The following CCSER1 variants were observed in gnomAD, a reference collection of about 807,000 sequenced individuals.
CCSER1 encodes the protein serine-rich coiled-coil domain-containing protein 1.
A neutral mutation model predicts 82.0 loss-of-function variants in CCSER1; 41 were observed. That is an observed-to-expected ratio of 0.50 (90% CI 0.39 to 0.65). The LOEUF is 0.65. Ranked by LOEUF, CCSER1 falls within the 30% of genes least tolerant of loss-of-function variation. The probability of loss-of-function intolerance (pLI) is 0.00; values close to 1 mark genes in which losing one functional copy is unlikely to be tolerated. For synonymous variants in CCSER1, 414 were observed against 383.9 expected (o/e 1.08, Z -0.92); for missense variants, 1,119 against 1,064.2 (o/e 1.05, Z -0.72).
At chr4:91,014,515 G>A (rs1311230772) in intron 9 of CCSER1, among the ~76,000 whole-genome samples, 1 of 133,964 alleles carries the variant, frequency 7.5e-6, no homozygotes, top group African/African-American at 2.5e-5. Flanking sequence ...TTCTACTCTG[G>A]AAACATTGTT....
intron 10 of CCSER1, among the ~76,000 whole-genome samples, chr4:91,484,095 A>G (rs1461532576): frequency 6.6e-6 from 1 of 150,730 alleles, no homozygotes; most frequent in Non-Finnish European, 1.5e-5. Context: ...AAAAAATAGT[A>G]TACATGATTC....
At position 91,214,111 on chromosome 4, in the gene CCSER1, A is replaced by G. The variant is rs1327268792; in HGVS notation, c.2217+128117A>G. Among the ~76,000 whole-genome samples, 3 of 152,246 alleles carry G rather than the reference A, an allele frequency of 2.0e-5. No homozygotes were observed. The East Asian group carries it at 5.8e-4, about 29-fold the overall frequency. ...TTTTGCCTCCCTCCTGTCACCAAAA[A>G]GATTGCCAGAGTTATTAAAGAAGAG... On this transcript the variant is annotated intron_variant, in intron 10 of 10. Transcript: ENST00000509176.
chr4:90,649,792 A>G (rs2149036545), intron 6 of CCSER1, among the ~76,000 whole-genome samples: 1 of 152,324 alleles, frequency 6.6e-6, no homozygotes, highest in South Asian at 2.1e-4. Flanking sequence ...ATTTCCAAAG[A>G]AAGTATAATT....
chr4:90,819,185 A>G (rs889276748), intron 8 of CCSER1, among the ~76,000 whole-genome samples: 1 of 152,064 alleles, frequency 6.6e-6, no homozygotes, highest in Admixed American at 6.6e-5. Flanking sequence ...GGAGAAAGAG[A>G]GATCATGTGA....
intron 1 of CCSER1, among the ~76,000 whole-genome samples, chr4:90,301,587 T>C (rs1372445044): frequency 6.6e-6 from 1 of 152,092 alleles, no homozygotes; most frequent in Non-Finnish European, 1.5e-5. Context: ...AAAACACTTC[T>C]CTTATGTAAC....
chr4:90,168,479 A>C (rs907167565), intron 1 of CCSER1, among the ~76,000 whole-genome samples: 9 of 152,116 alleles, frequency 5.9e-5, no homozygotes, highest in African/African-American at 2.2e-4. Context: ...CTTTAGTTTA[A>C]TTAGATCCCA....
chr4:90,728,610 G>A lies in CCSER1; in HGVS notation c.2010+4619G>A, dbSNP rs548223916. Among the ~76,000 whole-genome samples, 52 of 152,202 alleles carry A rather than the reference G, an allele frequency of 3.4e-4. No individual in the cohort carries two copies. The South Asian group carries it at 0.011, about 31-fold the overall frequency. Reference sequence around the variant, plus strand: ...AGCACTTTGGGAAGCTGAGGCAGGAGGTTCGCTTGAGCTCAGGAATTTGAG... The same window carrying A: ...AGCACTTTGGGAAGCTGAGGCAGGAAGTTCGCTTGAGCTCAGGAATTTGAG... On this transcript the variant is annotated intron_variant, in intron 7 of 10. Transcript: ENST00000509176.
intron 4 of CCSER1, among the ~76,000 whole-genome samples, chr4:90,442,968 G>T (rs1760119226): frequency 6.6e-6 from 1 of 152,030 alleles, no homozygotes. Flanking sequence ...ACCCCCAGTG[G>T]ATGTAAGTCC....
rs569759500 is a variant in CCSER1 at position 90,867,602 on chromosome 4, C to T, written c.2094+51757C>T. Among the ~76,000 whole-genome samples, 10 of 152,012 alleles carry T rather than the reference C, an allele frequency of 6.6e-5. No individual in the cohort carries two copies. In the South Asian group the frequency reaches 1.9e-3, roughly 28 times the overall value. The stretch of plus-strand genomic sequence containing the variant: ...ACAATAAATTATTATTGATTGCACT[C>T]ACCCTGTTGTGCTGTCAAATACTAG... On this transcript the variant is annotated intron_variant, in intron 8 of 10. Coordinates refer to ENST00000509176, the MANE Select transcript of CCSER1 (RefSeq NM_001145065.2).
chr4:90,932,982 GAGAAAGAAAGAAAGA>G (rs1730231533), intron 9 of CCSER1, among the ~76,000 whole-genome samples: 1 of 18,856 alleles, frequency 5.3e-5, no homozygotes, highest in African/African-American at 3.6e-4. Flanking sequence ...AAGAAAGAAA[GAGAAAGAAAGAAAGA>G]AAGAAAGAAA....
chr4:90,838,807 C>G lies in CCSER1; in HGVS notation c.2094+22962C>G. ...GCACAGTCATTTAAACTTGATCCAA[C>G]CTCTTTGCATCTTACAAAGTTAAAC... On this transcript the variant is annotated intron_variant, in intron 8 of 10. Coordinates refer to ENST00000509176, the MANE Select transcript of CCSER1 (RefSeq NM_001145065.2). 8 of 1,498,336 alleles carry G rather than the reference C, an allele frequency of 5.3e-6. No homozygotes were observed. The South Asian group carries it at 9.0e-5, about 17-fold the overall frequency. 92.8% of individuals were successfully genotyped at this position (1,498,336 alleles called of 1,614,324 possible). A position where few individuals can be genotyped will look rare whatever the true frequency, so the allele number is the denominator to read the frequency against.
chr4:91,024,283 T>G (rs1206565733), intron 9 of CCSER1, among the ~76,000 whole-genome samples: 1 of 152,154 alleles, frequency 6.6e-6, no homozygotes, highest in East Asian at 1.9e-4. Context: ...TTACAAACTT[T>G]TACAAAAATT....
chr4:90,987,825 G>A (rs1234076295), intron 9 of CCSER1, among the ~76,000 whole-genome samples: 1 of 151,630 alleles, frequency 6.6e-6, no homozygotes, highest in African/African-American at 2.4e-5. Flanking sequence ...AATAAGTACT[G>A]CTGTAACAAA....
chr4:91,299,382 A>G (rs1339193148), intron 10 of CCSER1, among the ~76,000 whole-genome samples: 3 of 152,060 alleles, frequency 2.0e-5, no homozygotes, highest in African/African-American at 7.2e-5. Context: ...TAAAGGCCCA[A>G]CTATACCTTT....
intron 10 of CCSER1, among the ~76,000 whole-genome samples, chr4:91,503,979 C>T (rs1206108664): frequency 2.0e-5 from 3 of 152,096 alleles, no homozygotes; most frequent in Admixed American, 2.0e-4. Context: ...AGAGAGGATT[C>T]TTATATTCTT....
intron 7 of CCSER1, among the ~76,000 whole-genome samples, chr4:90,739,001 C>T (rs959832178): frequency 1.3e-5 from 2 of 152,162 alleles, no homozygotes; most frequent in Admixed American, 1.3e-4. Flanking sequence ...TAAAAAGTCC[C>T]ATTTTTTCCT....
At chr4:90,300,498 C>G (rs981378913) in intron 1 of CCSER1, among the ~76,000 whole-genome samples, 2 of 152,068 alleles carry the variant, frequency 1.3e-5, no homozygotes, top group Admixed American at 6.6e-5. Flanking sequence ...GTAGTACTTG[C>G]ATTTAAGTGC....
intron 5 of CCSER1, among the ~76,000 whole-genome samples, chr4:90,589,560 T>C (rs1354422932): frequency 6.6e-6 from 1 of 152,170 alleles, no homozygotes; most frequent in Non-Finnish European, 1.5e-5. Flanking sequence ...TATATCATTA[T>C]ATTATGATGA....
chr4:91,368,820 ATATTT>A (rs1749821399), intron 10 of CCSER1, among the ~76,000 whole-genome samples: 1 of 152,180 alleles, frequency 6.6e-6, no homozygotes, highest in South Asian at 2.1e-4. Context: ...ATCAGTTTCT[ATATTT>A]TCAGAACTAA....
Sources: gnomAD v4.1 joint callset for allele counts (sites outside exome capture counted in the v4.1 genomes callset) on GRCh38, gnomAD v4.1.1 for gene constraint, MANE v1.5 for transcripts, NCBI Gene and HGNC (gene_info 2026-07-23, HGNC 2026-07-21) for gene names.